Variants in NTHL1 observed in about 807,000 individuals in gnomAD.
NTHL1 encodes endonuclease III-like protein 1.
A neutral mutation model predicts 32.3 loss-of-function variants in NTHL1; 32 were observed. That is an observed-to-expected ratio of 0.99 (90% CI 0.75 to 1.33). The LOEUF is 1.33. NTHL1 is among the 40% of genes most tolerant of loss of function. The pLI, the probability that NTHL1 is intolerant of heterozygous loss-of-function variation, is 0.00. For missense variants in NTHL1, 501 were observed against 414.1 expected (o/e 1.21, Z -1.82); for synonymous variants, 188 against 176.9 (o/e 1.06, Z -0.50).
In NTHL1 at chr16:2,043,649, G is replaced by C. The variant is rs747289981; in HGVS notation, c.603C>G (p.Ala201=). The change falls in exon 4 of 6, where the codon GCC becomes GCG. Residue 201 remains alanine, a synonymous_variant. Transcript: ENST00000651570. This position sits in a 1 kb window ranked among gnomAD's most constrained non-coding sequence, Gnocchi z 4.4. ...CAACACCCGGCAGCGCCACCAGCTC[G>C]GCCACAGAGGCTGGGATGTCCCCAC... The part of the protein sequence containing the change: ...HYGGDIPASV[A]ELVALPGVGP... 5 of 1,611,756 alleles carry C rather than the reference G, an allele frequency of 3.1e-6. No homozygotes were observed. Among genetic ancestry groups the C allele is most frequent in the Non-Finnish European group, 2.5e-6 (3 of 1,179,974 alleles).
rs1596227700 is a variant in NTHL1 at position 2,047,719 on chromosome 16, C to T, written c.105G>A (p.Glu35=). The change falls in exon 1 of 6, where the codon GAG becomes GAA. Residue 35 remains glutamate (E), a synonymous_variant. Coordinates refer to ENST00000651570, the MANE Select transcript of NTHL1 (RefSeq NM_002528.7). ...REEPGPLRRR[E]AAAEARKSHS... ...ACGGCGCGGCGCTACCTGCTGCAGC[C>T]TCTCTTCTCCGGAGAGGCCCGGGCT... The T allele has an allele frequency of 6.3e-7, 1 of 1,582,578 alleles. No individual in the cohort carries two copies. The highest frequency in any genetic ancestry group is 8.5e-7 in the Non-Finnish European group (1 of 1,171,148).
At chr16:2,047,559 G>A (rs2084498682) in intron 1 of NTHL1, 150 bp downstream of exon 1, 1 of 1,282,424 alleles carries the variant, frequency 7.8e-7, no homozygotes, top group Non-Finnish European at 1.0e-6. Flanking sequence ...GCGCAAGGTG[G>A]GAACGCAGGG....
rs1345334903 is a variant in NTHL1, at chr16:2,043,864, C to CA, written c.526-139dup. ...GTGTGCAAGCTCAGCCCCCGCCCCC[C>CA]AGGAGGCGGGAACAAGCGGAGGGCA... On this transcript the variant is annotated intron_variant, in intron 3 of 5. Coordinates refer to ENST00000651570, the MANE Select transcript of NTHL1 (RefSeq NM_002528.7). This position sits in a 1 kb window ranked among gnomAD's most constrained non-coding sequence, Gnocchi z 4.4. The CA allele has an allele frequency of 9.7e-7, 1 of 1,035,064 alleles. No homozygotes were observed. The highest frequency in any genetic ancestry group is 1.4e-6 in the Non-Finnish European group (1 of 699,768). The allele number at this position is 1,035,064 out of a possible 1,614,324, so 64.1% of individuals were successfully genotyped here. A position where few individuals can be genotyped will look rare whatever the true frequency, so the allele number is the denominator to read the frequency against.
intron 1 of NTHL1, among the ~76,000 whole-genome samples, chr16:2,046,627 A>G (rs1349357186): frequency 2.0e-5 from 3 of 152,116 alleles, no homozygotes; most frequent in Admixed American, 6.5e-5. Context: ...TCTATACTGC[A>G]CCAGAGACAG....
At chr16:2,041,040 C>T (rs1045257773) in intron 4 of NTHL1, among the ~76,000 whole-genome samples, 2 of 152,246 alleles carry the variant, frequency 1.3e-5, no homozygotes, top group South Asian at 2.1e-4. Flanking sequence ...CGTCTGCTCA[C>T]TGGGGCTCCC....
At chr16:2,040,477 G>A in intron 4 of NTHL1, 2 of 598,964 alleles carry the variant, frequency 3.3e-6, no homozygotes, top group Non-Finnish European at 6.0e-6. Flanking sequence ...CCAGCCTGGG[G>A]GGCTCTGTTC....
chr16:2,042,024 A>C lies in NTHL1; in HGVS notation c.685+1543T>G, dbSNP rs2084273995. 3 of 455,848 alleles carry C rather than the reference A, an allele frequency of 6.6e-6. No individual in the cohort carries two copies. In the Admixed American group the frequency reaches 7.1e-5, roughly 11 times the overall value. 28.2% of individuals were successfully genotyped at this position (455,848 alleles called of 1,614,324 possible). A position where few individuals can be genotyped will look rare whatever the true frequency, so the allele number is the denominator to read the frequency against. On this transcript the variant is annotated intron_variant, in intron 4 of 5. Coordinates refer to ENST00000651570, the MANE Select transcript of NTHL1 (RefSeq NM_002528.7). ...TACCTCGGCCTTCCAAAGTGCTGGGATTACAGGCTTGAGCCCTTGTACCCA... is the reference window on the plus strand; with the variant it reads ...TACCTCGGCCTTCCAAAGTGCTGGGCTTACAGGCTTGAGCCCTTGTACCCA...
Position 2,047,790 on chromosome 16 carries a change from T to C in NTHL1, c.34A>G (p.Ser12Gly). 1 of 1,590,766 alleles carries C rather than the reference T, an allele frequency of 6.3e-7. No homozygotes were observed. Among genetic ancestry groups the C allele is most frequent in the Non-Finnish European group, 8.5e-7 (1 of 1,173,750 alleles). The change falls in exon 1 of 6, where the codon AGC becomes GGC. Residue 12 changes from serine (S) to glycine (G), a missense_variant. Transcript: ENST00000651570. Reference protein sequence around the residue: ...TALSARMLTRSRSLGPGAGPR... With the variant: ...TALSARMLTRGRSLGPGAGPR... ...CCAGCCCCGGGTCCCAGGCTCCGGC[T>C]CCGGGTCAGCATCCTCGCGCTCAAG...
intron 4 of NTHL1, among the ~76,000 whole-genome samples, chr16:2,041,435 G>T (rs2084267304): frequency 6.6e-6 from 1 of 152,036 alleles, no homozygotes; most frequent in South Asian, 2.1e-4. Context: ...GCAATCTATG[G>T]CTGTGGCATT....
rs762393763 is a variant in NTHL1, at chr16:2,044,734, C to T, written c.421G>A (p.Gly141Ser). 3.7e-6 allele frequency: 6 copies of T among 1,612,276 alleles called. No individual in the cohort carries two copies. The East Asian group carries it at 1.3e-4, about 36-fold the overall frequency. Residue 141 changes from glycine (G) to serine (S), a missense_variant, in exon 3 of 6, where the codon GGC (glycine) becomes AGC (serine). Transcript: ENST00000651570. The surrounding 1 kb of genome is among the most constrained non-coding windows in gnomAD (Gnocchi z 5.0). Reference protein sequence around the residue: ...SSQTKDQVTAGAMQRLRARGL... With the variant: ...SSQTKDQVTASAMQRLRARGL... ...CGCGCCCGCAGTCGCTGCATGGCGC[C>T]CGCCGTCACCTGGTCTTTGGTTTGG...
In NTHL1 at chr16:2,043,359, A is replaced by T. The variant is rs2084295535; in HGVS notation, c.685+208T>A. ...TCCGGGGCCTCTCTCAGAGCCCTGC[A>T]CGGAGCAGGTGCTCAGCCCATGTGA... On this transcript the variant is annotated intron_variant, in intron 4 of 5. Transcript: ENST00000651570. This position sits in a 1 kb window ranked among gnomAD's most constrained non-coding sequence, Gnocchi z 4.4. 4 of 637,124 alleles carry T rather than the reference A, an allele frequency of 6.3e-6. No homozygotes were observed. The highest frequency in any genetic ancestry group is 2.8e-5 in the Admixed American group (1 of 36,114). The allele number at this position is 637,124 out of a possible 1,614,324, so 39.5% of individuals were successfully genotyped here.
Position 2,044,142 on chromosome 16 carries a change from G to A in NTHL1, c.526-416C>T, listed in dbSNP as rs2150941734. 1 of 343,578 alleles carries A rather than the reference G, an allele frequency of 2.9e-6. No homozygotes were observed. Among genetic ancestry groups the A allele is most frequent in the Non-Finnish European group, 5.6e-6 (1 of 179,056 alleles). 21.3% of individuals were successfully genotyped at this position (343,578 alleles called of 1,614,324 possible). On this transcript the variant is annotated intron_variant, in intron 3 of 5. Transcript: ENST00000651570. The surrounding 1 kb of genome is among the most constrained non-coding windows in gnomAD (Gnocchi z 5.0). ...CCCATCCTGTGCCTGAGTGGAGAGG[G>A]CTATTTAAAACCCATCTGAGAAACT...
chr16:2,046,255 AC>A lies in NTHL1; in HGVS notation c.226del (p.Val76CysfsTer19). 1 of 1,613,206 alleles carries A rather than the reference AC, an allele frequency of 6.2e-7. No homozygotes were observed. The highest frequency in any genetic ancestry group is 8.5e-7 in the Non-Finnish European group (1 of 1,179,996). On this transcript the variant is annotated frameshift_variant, in exon 2 of 6. Transcript: ENST00000651570. LOFTEE classifies it high-confidence loss of function. ...EKGEGAEPLK[V>X]PVWEPQDWQQ... is the part of the protein sequence containing the mutation. ...CCAGTCCTGGGGCTCCCAGACTGGC[AC>A]CTTGAGGGGCTCAGCCCCCTCACCT... is the stretch of plus-strand genomic sequence containing the variant.
chr16:2,039,898 G>T lies in NTHL1; in HGVS notation c.*26C>A. 1 of 1,598,712 alleles carries T rather than the reference G, an allele frequency of 6.3e-7. No homozygotes were observed. Among genetic ancestry groups the T allele is most frequent in the East Asian group, 2.2e-5 (1 of 44,868 alleles). ...CACTTCACAGACGGTGGCCACAGCG[G>T]CACCTCGGCCAGAGCCATGCGGCCA... is the stretch of plus-strand genomic sequence containing the variant. On this transcript the variant is annotated 3_prime_UTR_variant, in exon 6 of 6. Coordinates refer to ENST00000651570, the MANE Select transcript of NTHL1 (RefSeq NM_002528.7).
In NTHL1 at chr16:2,039,897, G is replaced by A. The variant is rs746427603; in HGVS notation, c.*27C>T. ...CCACTTCACAGACGGTGGCCACAGC[G>A]GCACCTCGGCCAGAGCCATGCGGCC... On this transcript the variant is annotated 3_prime_UTR_variant, in exon 6 of 6. Coordinates refer to ENST00000651570, the MANE Select transcript of NTHL1 (RefSeq NM_002528.7). 1.3e-5 allele frequency: 21 copies of A among 1,598,514 alleles called. No homozygotes were observed. Among genetic ancestry groups the A allele is most frequent in the Admixed American group, 3.3e-5 (2 of 59,992 alleles).
Position 2,039,846 on chromosome 16 carries a change from C to T in NTHL1, c.*78G>A. ...GCAAACACACCAAAGCTTTATTCAA[C>T]AGGCGTGGCTTCCTGAAGCGTAAAG... On this transcript the variant is annotated 3_prime_UTR_variant, in exon 6 of 6. Transcript: ENST00000651570. 4.4e-6 allele frequency: 7 copies of T among 1,584,622 alleles called. No homozygotes were observed. In the African/African-American group the frequency reaches 5.3e-5, roughly 12 times the overall value.
At chr16:2,042,761 GC>G (rs1353278158) in intron 4 of NTHL1, among the ~76,000 whole-genome samples, 1 of 150,530 alleles carries the variant, frequency 6.6e-6, no homozygotes, top group Admixed American at 6.6e-5. Flanking sequence ...TTCAAGGAGG[GC>G]CCTCCCCCCA....
intron 4 of NTHL1, 26 bp from the exon 5 acceptor site, chr16:2,040,264 C>T (rs2084245704): frequency 6.2e-7 from 1 of 1,600,046 alleles, no homozygotes; most frequent in African/African-American, 1.3e-5. Context: ...GCGGGGTGAA[C>T]AGGGGCACAC....
In NTHL1 at chr16:2,043,353, C is replaced by T. The variant is rs537085127; in HGVS notation, c.685+214G>A. On this transcript the variant is annotated intron_variant, in intron 4 of 5. Transcript: ENST00000651570. The surrounding 1 kb of genome is among the most constrained non-coding windows in gnomAD (Gnocchi z 4.4). ...TCCAGCTCCGGGGCCTCTCTCAGAG[C>T]CCTGCACGGAGCAGGTGCTCAGCCC... is the stretch of plus-strand genomic sequence containing the variant. 6.4e-6 allele frequency: 4 copies of T among 625,776 alleles called. No individual in the cohort carries two copies. Among genetic ancestry groups the T allele is most frequent in the Middle Eastern group, 4.4e-4 (1 of 2,290 alleles). The allele number at this position is 625,776 out of a possible 1,614,324, so 38.8% of individuals were successfully genotyped here.
Sources: gnomAD v4.1 joint callset for allele counts (sites outside exome capture counted in the v4.1 genomes callset) on GRCh38, gnomAD v4.1.1 for gene constraint, Gnocchi (gnomAD v3.1) non-coding constraint, MANE v1.5 for transcripts, NCBI Gene and HGNC (gene_info 2026-07-23, HGNC 2026-07-21) for gene names.